HLA-F: variants seen among roughly 807,000 people sequenced by gnomAD.
HLA-F encodes major histocompatibility complex, class I, F.
HLA-F carries 46 observed loss-of-function variants against 49.5 expected under a neutral mutation model. The ratio of observed to expected loss-of-function variants is 0.93; its 90% confidence interval spans 0.73 to 1.19. The LOEUF (loss-of-function observed/expected upper bound fraction) is 1.19, where lower values mean the gene tolerates loss of function less well. HLA-F is among the 50% of genes most tolerant of loss of function. The pLI is 0.00. For synonymous variants in HLA-F, 203 were observed against 233.5 expected, an observed-to-expected ratio of 0.87 and a Z score of 1.19; for missense variants, 496 against 579.6, an observed-to-expected ratio of 0.86 and a Z score of 1.48.
At chr6:29,729,943 A>G (rs1436731691), downstream of HLA-F, among the ~76,000 whole-genome samples, 1 of 152,232 alleles carries the variant, frequency 6.6e-6, no homozygotes, top group Non-Finnish European at 1.5e-5. Context: ...GAGAAGTCAC[A>G]ACACTTGTAC....
chr6:29,726,071 A>T, intron 6 of HLA-F, 28 bp downstream of exon 6: 1 of 1,608,258 alleles, frequency 6.2e-7, no homozygotes. Flanking sequence ...GATCCCTGAG[A>T]TTGTTGGGAT....
At chr6:29,734,664 A>G (rs1049104297) in intron 3 of HLA-F, among the ~76,000 whole-genome samples, 25 of 152,222 alleles carry the variant, frequency 1.6e-4, no homozygotes, top group Non-Finnish European at 2.6e-4. Context: ...TACAATATAC[A>G]TGAACACAAA....
intron 3 of HLA-F, 60 bp from the exon 4 acceptor site, chr6:29,724,971 G>T: frequency 1.3e-6 from 2 of 1,572,986 alleles, no homozygotes; most frequent in Non-Finnish European, 1.7e-6. Flanking sequence ...TGGTCACATG[G>T]GTGCTGCTGG....
intron 3 of HLA-F, chr6:29,736,704 T>C: frequency 3.8e-6 from 1 of 265,816 alleles, no homozygotes. Flanking sequence ...AGATTAGTTC[T>C]GTCAGTTCTG....
chr6:29,729,809 A>G (rs1776408318), downstream of HLA-F, among the ~76,000 whole-genome samples: 1 of 152,258 alleles, frequency 6.6e-6, no homozygotes, highest in Non-Finnish European at 1.5e-5. Flanking sequence ...AGAAAAACAA[A>G]CAATCTCATT....
intron 3 of HLA-F, 147 bp from the exon 4 acceptor site, chr6:29,724,884 C>T: frequency 1.1e-6 from 1 of 935,606 alleles, no homozygotes; most frequent in Non-Finnish European, 1.6e-6. Context: ...GGAGATTTTC[C>T]CAGGTGTCTG....
intron 3 of HLA-F, chr6:29,736,512 A>C (rs1777112400): frequency 2.4e-6 from 1 of 411,712 alleles, no homozygotes. Context: ...GACAACATGC[A>C]TGGAGAAAGG....
rs1419469936 is a variant in HLA-F at position 29,725,436 on chromosome 6, T to C, written c.887-11T>C. 5 of 1,613,082 alleles carry C rather than the reference T, an allele frequency of 3.1e-6. No individual in the cohort carries two copies. Among genetic ancestry groups the C allele is most frequent in the Non-Finnish European group, 4.2e-6 (5 of 1,179,410 alleles). On this transcript the variant is annotated splice_polypyrimidine_tract_variant and intron_variant, in intron 4 of 6. Coordinates refer to ENST00000259951, the MANE Select transcript of HLA-F (RefSeq NM_001098479.2). The stretch of plus-strand genomic sequence containing the variant: ...GAGATCAGGGCCCCTCACCTTCCCT[T>C]CCTTTCCCAGAGCAGTCTCCCCAGC...
At chr6:29,737,572 C>T (rs918927659) in intron 3 of HLA-F, among the ~76,000 whole-genome samples, 5 of 152,158 alleles carry the variant, frequency 3.3e-5, no homozygotes, top group Non-Finnish European at 7.3e-5. Context: ...GGTCAGCTGC[C>T]AAACTTCTCC....
At chr6:29,726,837 T>A in intron 6 of HLA-F, 46 bp from the exon 7 acceptor site, 1 of 1,593,544 alleles carries the variant, frequency 6.3e-7, no homozygotes, top group Admixed American at 1.7e-5. Flanking sequence ...GGCTTTAACA[T>A]CCACAGTGAA....
chr6:29,723,774 G>A lies in HLA-F; in HGVS notation c.181G>A (p.Ala61Thr). 6.2e-7 allele frequency: 1 copy of A among 1,610,414 alleles called. No individual in the cohort carries two copies. Among genetic ancestry groups the A allele is most frequent in the Non-Finnish European group, 8.5e-7 (1 of 1,178,980 alleles). The change falls in exon 2 of 7, where the codon GCC becomes ACC. Residue 61 changes from alanine (A) to threonine (T), a missense_variant. Coordinates refer to ENST00000259951, the MANE Select transcript of HLA-F (RefSeq NM_001098479.2). ...GCAATTCCTGCGGTTCGACAGCGAC[G>A]CCGCGATTCCGAGGATGGAGCCGCG... is the stretch of plus-strand genomic sequence containing the variant. ...DTQFLRFDSDAAIPRMEPREP... is the reference protein window; with the variant it reads ...DTQFLRFDSDTAIPRMEPREP...
downstream of HLA-F, among the ~76,000 whole-genome samples, chr6:29,730,356 CAGAG>C (rs910828419): frequency 6.6e-6 from 1 of 152,084 alleles, no homozygotes; most frequent in African/African-American, 2.4e-5. Flanking sequence ...TTCATAGAAA[CAGAG>C]AGTAAAATAG....
At chr6:29,734,876 T>C (rs1209344029) in intron 3 of HLA-F, among the ~76,000 whole-genome samples, 1 of 152,160 alleles carries the variant, frequency 6.6e-6, no homozygotes, top group Non-Finnish European at 1.5e-5. Flanking sequence ...TCTCTATAGA[T>C]TGGTCTCTTC....
At chr6:29,726,555 G>A (rs925977081) in intron 6 of HLA-F, 40 of 1,441,028 alleles carry the variant, frequency 2.8e-5, no homozygotes, top group Middle Eastern at 2.5e-4. Context: ...TAGCATGCAC[G>A]TAAATGTGTG....
chr6:29,732,141 G>A (rs1274871993), downstream of HLA-F, among the ~76,000 whole-genome samples: 1 of 131,580 alleles, frequency 7.6e-6, no homozygotes. Flanking sequence ...ATTTTTTTTT[G>A]TATTTTTTGT....
At position 29,723,900 on chromosome 6, in the gene HLA-F, C is replaced by A; in HGVS notation, c.307C>A (p.Leu103Ile). 6.3e-7 allele frequency: 1 copy of A among 1,587,782 alleles called. No homozygotes were observed. Among genetic ancestry groups the A allele is most frequent in the Non-Finnish European group, 8.6e-7 (1 of 1,167,024 alleles). ...QTDRVALRNL[L>I]RRYNQSEAGS... is the part of the protein sequence containing the mutation. ...TGACCGAGTGGCCCTGAGGAACCTGCTCCGCCGCTACAACCAGAGCGAGGC... is the reference window on the plus strand; with the variant it reads ...TGACCGAGTGGCCCTGAGGAACCTGATCCGCCGCTACAACCAGAGCGAGGC... Residue 103 changes from leucine (L) to isoleucine (I), a missense_variant, in exon 2 of 7, where the codon CTC becomes ATC. Transcript: ENST00000259951.
At chr6:29,732,380 AG>A (rs1276416297) in intron 3 of HLA-F, among the ~76,000 whole-genome samples, 3 of 152,206 alleles carry the variant, frequency 2.0e-5, no homozygotes, top group Non-Finnish European at 4.4e-5. Flanking sequence ...TGGATCTAAA[AG>A]AACTCAGTTA....
chr6:29,734,908 T>C (rs966386220), intron 3 of HLA-F: 2 of 152,134 alleles, frequency 1.3e-5, no homozygotes, highest in Admixed American at 6.5e-5. Flanking sequence ...CAAAAATGGG[T>C]TCATGAAATA....
chr6:29,725,581 G>C lies in HLA-F; in HGVS notation c.1003+18G>C. 1.2e-6 allele frequency: 2 copies of C among 1,603,950 alleles called. No homozygotes were observed. The highest frequency in any genetic ancestry group is 1.1e-5 in the South Asian group (1 of 90,834). ...GAGCTCAGGTAGGAAGGGGTGAGGA[G>C]TGGAGTCTGAGTTTTCTTGTCCCAC... is the stretch of plus-strand genomic sequence containing the variant. On this transcript the variant is annotated intron_variant, in intron 5 of 6. Coordinates refer to ENST00000259951, the MANE Select transcript of HLA-F (RefSeq NM_001098479.2).
Sources: gnomAD v4.1 joint callset for allele counts (sites outside exome capture counted in the v4.1 genomes callset) on GRCh38, gnomAD v4.1.1 for gene constraint, MANE v1.5 for transcripts, NCBI Gene and HGNC (gene_info 2026-07-23, HGNC 2026-07-21) for gene names.